ADGRG2: variants seen among roughly 807,000 people sequenced by gnomAD.
ADGRG2 encodes the protein G protein-coupled receptor 64.
A neutral mutation model predicts 74.1 loss-of-function variants in ADGRG2; 26 were observed. The ratio of observed to expected loss-of-function variants is 0.35; its 90% CI spans 0.26 to 0.49. The LOEUF (loss-of-function observed/expected upper bound fraction) is 0.49. Among genes scored for constraint, ADGRG2 ranks in the 20% least tolerant of loss-of-function variants. ADGRG2 has a pLI of 0.99. For synonymous variants in ADGRG2, 296 were observed against 295.2 expected (o/e 1.00, Z -0.03); for missense variants, 619 against 763.1 (o/e 0.81, Z 2.22).
chrX:19,068,755 A>G lies in ADGRG2; in HGVS notation c.80T>C (p.Ile27Thr), dbSNP rs1389585906. Residue 27 changes from isoleucine to threonine, a missense_variant, in exon 3 of 29, where the codon ATC becomes ACC. Physicochemically the swap from Ile to Thr is moderately conservative, Grantham distance 89. Coordinates refer to ENST00000379869, the MANE Select transcript of ADGRG2 (RefSeq NM_001079858.3). ...VLLTFKIFLV[I>T]ICLHVVLVTS... ...TACCAGAACGACATGAAGACAAATG[A>G]TGACAAGGAATATCTTGAACGTCAG... The G allele has an allele frequency of 4.4e-6, 5 of 1,135,590 alleles. No individual in the cohort carries two copies. The East Asian group carries it at 1.5e-4, about 34-fold the overall frequency. The allele number at this position is 1,135,590 out of a possible 1,213,427, so 93.6% of individuals were successfully genotyped here.
chrX:19,100,232 T>A (rs1313830118), intron 1 of ADGRG2, among the ~76,000 whole-genome samples: 1 of 112,748 alleles, frequency 8.9e-6, no homozygotes, highest in African/African-American at 3.2e-5. Flanking sequence ...ATGGGTAGAA[T>A]CCTCAAAAGT....
At position 19,113,677 on chromosome X, in the gene ADGRG2, G is replaced by T. The variant is rs1488349715; in HGVS notation, c.-47+8765C>A. On this transcript the variant is annotated intron_variant, in intron 1 of 28. Transcript: ENST00000379869. ...AATGATAAAGCAAACAGGATAAAAT[G>T]CTAACAACAGAGGAATCTGGATTAA... is the stretch of plus-strand genomic sequence containing the variant. Among the ~76,000 whole-genome samples the T allele has an allele frequency of 4.5e-5, 5 of 112,172 alleles. No homozygotes were observed. The Admixed American group carries it at 4.7e-4, about 11-fold the overall frequency.
intron 13 of ADGRG2, among the ~76,000 whole-genome samples, chrX:19,022,213 C>T (rs1012230775): frequency 7.4e-5 from 8 of 107,595 alleles, no homozygotes; most frequent in Admixed American, 2.0e-4. Context: ...TGCAGTGAGC[C>T]GAGATCGTGC....
intron 3 of ADGRG2, among the ~76,000 whole-genome samples, chrX:19,056,381 T>G (rs2061411195): frequency 9.0e-6 from 1 of 111,615 alleles, no homozygotes; most frequent in African/African-American, 3.3e-5. Flanking sequence ...GGAGGAGAAG[T>G]CCTTGCCACT....
chrX:19,098,506 T>A (rs946646345), intron 1 of ADGRG2, among the ~76,000 whole-genome samples: 6 of 112,190 alleles, frequency 5.3e-5, no homozygotes, highest in South Asian at 7.4e-4. Flanking sequence ...TACATTTTTT[T>A]AAAACATAAA....
chrX:19,007,138 T>C, intron 20 of ADGRG2, 97 bp downstream of exon 20: 1 of 920,381 alleles, frequency 1.1e-6, no homozygotes, highest in Non-Finnish European at 1.6e-6. Flanking sequence ...CTGAAGGTTC[T>C]TTCTGCCTGA....
intron 11 of ADGRG2, among the ~76,000 whole-genome samples, chrX:19,026,956 AC>A (rs2060716731): frequency 8.9e-6 from 1 of 111,768 alleles, no homozygotes; most frequent in South Asian, 3.7e-4. Flanking sequence ...TCCTCTTTCA[AC>A]CATGCTGGAT....
chrX:18,997,539 G>T (rs2060040689), intron 26 of ADGRG2, among the ~76,000 whole-genome samples: 1 of 112,092 alleles, frequency 8.9e-6, no homozygotes, highest in Non-Finnish European at 1.9e-5. Context: ...CTTTTCTTAA[G>T]ACCCTTAAAA....
intron 2 of ADGRG2, among the ~76,000 whole-genome samples, chrX:19,079,655 C>A (rs774681129): frequency 2.7e-5 from 3 of 112,151 alleles, no homozygotes; most frequent in Non-Finnish European, 3.8e-5. Flanking sequence ...CAATGCTGAG[C>A]CATATGGCAT....
chrX:19,047,578 T>C (rs2061219471), intron 3 of ADGRG2, among the ~76,000 whole-genome samples: 1 of 112,124 alleles, frequency 8.9e-6, no homozygotes, highest in Non-Finnish European at 1.9e-5. Flanking sequence ...TGGGAGTGGA[T>C]CTAAAAAGAT....
intron 15 of ADGRG2, among the ~76,000 whole-genome samples, chrX:19,016,158 T>C (rs2060464826): frequency 8.9e-6 from 1 of 112,715 alleles, no homozygotes; most frequent in Non-Finnish European, 1.9e-5. Context: ...CATGGCATTT[T>C]AATGTGCTTC....
intron 9 of ADGRG2, among the ~76,000 whole-genome samples, chrX:19,029,640 G>A (rs1468276933): frequency 9.0e-6 from 1 of 110,547 alleles, no homozygotes; most frequent in African/African-American, 3.3e-5. Flanking sequence ...CTTAATTGGG[G>A]AAAACATTAC....
intron 3 of ADGRG2, among the ~76,000 whole-genome samples, chrX:19,062,681 G>A (rs1031558297): frequency 4.1e-4 from 45 of 111,104 alleles, no homozygotes; most frequent in African/African-American, 1.4e-3. Flanking sequence ...CAGCTCTACC[G>A]ACTTCCTCGC....
At chrX:19,023,861 A>G in intron 12 of ADGRG2, 48 bp downstream of exon 12, 2 of 881,152 alleles carry the variant, frequency 2.3e-6, no homozygotes, top group Non-Finnish European at 3.4e-6. Flanking sequence ...GCTTTCCCCC[A>G]GGTCATAACA....
At chrX:19,032,253 A>G (rs1460281087) in intron 8 of ADGRG2, 2 of 111,739 alleles carry the variant, frequency 1.8e-5, no homozygotes, top group Non-Finnish European at 3.8e-5. Flanking sequence ...ACCCCAAATT[A>G]CCAGATCTGT....
rs767106588 is a variant in ADGRG2 at position 19,031,052 on chromosome X, C to A, written c.305-15G>T. On this transcript the variant is annotated splice_polypyrimidine_tract_variant and intron_variant, in intron 8 of 28. Coordinates refer to ENST00000379869, the MANE Select transcript of ADGRG2 (RefSeq NM_001079858.3). ...GGGTTTGACGCCTGCAAAGAAAACA[C>A]AACCCAGCTGGTTAAGCATGTCAAT... The A allele has an allele frequency of 8.6e-7, 1 of 1,159,911 alleles. No individual in the cohort carries two copies.
At chrX:19,093,937 A>C (rs1028355430) in intron 1 of ADGRG2, among the ~76,000 whole-genome samples, 83 of 105,728 alleles carry the variant, frequency 7.9e-4, no homozygotes, top group South Asian at 2.0e-3. Context: ...ACACACACAC[A>C]CCCCATGGAA....
At chrX:18,995,875 T>C (rs1485639292) in intron 27 of ADGRG2, among the ~76,000 whole-genome samples, 176 bp downstream of exon 27, 1 of 112,387 alleles carries the variant, frequency 8.9e-6, no homozygotes, top group African/African-American at 3.2e-5. Flanking sequence ...ATAATTATTT[T>C]TTAATTCACT....
In ADGRG2 at chrX:19,002,852, C is replaced by A; in HGVS notation, c.2224G>T (p.Gly742Cys). 8.3e-7 allele frequency: 1 copy of A among 1,208,936 alleles called. No homozygotes were observed. The highest frequency in any genetic ancestry group is 1.1e-6 in the Non-Finnish European group (1 of 893,326). The change falls in exon 24 of 29, where the codon GGT (glycine) becomes TGT (cysteine). Residue 742 changes from glycine to cysteine, a missense_variant. This residue lies in a region of ADGRG2 where 221 missense variants were observed against 340.6 expected (regional missense o/e 0.65). Coordinates refer to ENST00000379869, the MANE Select transcript of ADGRG2 (RefSeq NM_001079858.3). ...CAGGCAAGCTTATACATACCCCAAC[C>A]GACAATGCAGAATTTAAGGATGTAT... ...RKYILKFCIVGWGVPAVVVTI... is the reference protein window; with the variant it reads ...RKYILKFCIVCWGVPAVVVTI...
Sources: allele counts gnomAD v4.1 joint callset (sites outside exome capture counted in the v4.1 genomes callset), GRCh38; gene constraint gnomAD v4.1.1; regional missense constraint gnomAD v4.1.1; transcripts MANE v1.5; gene names NCBI Gene and HGNC (gene_info 2026-07-23, HGNC 2026-07-21).